Variants in FIP1L1 observed in about 807,000 individuals in gnomAD.
FIP1L1 encodes pre-mRNA 3'-end-processing factor FIP1.
FIP1L1 carries 21 observed loss-of-function variants against 84.6 expected under a neutral mutation model. The ratio of observed to expected loss-of-function variants is 0.25; its 90% CI spans 0.18 to 0.36. The LOEUF (loss-of-function observed/expected upper bound fraction) is 0.36. Ranked by LOEUF, FIP1L1 falls within the 10% of genes least tolerant of loss-of-function variation. The probability of loss-of-function intolerance (pLI) is 1.00; values close to 1 mark genes in which losing one functional copy is unlikely to be tolerated. For missense variants in FIP1L1, 526 were observed against 751.1 expected (o/e 0.70, Z 3.50); for synonymous variants, 263 against 242.3 (o/e 1.09, Z -0.80).
At position 53,391,312 on chromosome 4, in the gene FIP1L1, T is replaced by C. The variant is rs974909795; in HGVS notation, c.637-118T>C. 23 of 1,144,774 alleles carry C rather than the reference T, an allele frequency of 2.0e-5. No homozygotes were observed. In the African/African-American group the frequency reaches 3.6e-4, roughly 18 times the overall value. 70.9% of individuals were successfully genotyped at this position (1,144,774 alleles called of 1,614,324 possible). Reference sequence around the variant, plus strand: ...CTCCCTTTTAGAGTTTCGTATTTAATGATTATCTGATGTTCTTACTTTCAA... The same window carrying C: ...CTCCCTTTTAGAGTTTCGTATTTAACGATTATCTGATGTTCTTACTTTCAA... On this transcript the variant is annotated intron_variant, in intron 8 of 17. Coordinates refer to ENST00000337488, the MANE Select transcript of FIP1L1 (RefSeq NM_030917.4).
intron 10 of FIP1L1, among the ~76,000 whole-genome samples, chr4:53,407,292 T>G (rs147450319): frequency 0.21 from 31,947 of 152,168 alleles, 4,115 homozygotes; most frequent in Admixed American, 0.32. Flanking sequence ...AGGAGCAGGT[T>G]GTTCAGTTTC....
intron 3 of FIP1L1, 27 bp from the exon 4 acceptor site, chr4:53,382,251 A>C: frequency 6.4e-7 from 1 of 1,552,388 alleles, no homozygotes; most frequent in Non-Finnish European, 8.9e-7. Context: ...AATGCCTGAC[A>C]TGTATACTTA....
intron 16 of FIP1L1, among the ~76,000 whole-genome samples, chr4:53,454,339 A>G (rs540613143): frequency 1.2e-3 from 185 of 152,326 alleles, no homozygotes; most frequent in African/African-American, 3.9e-3. Context: ...TGTACCATCA[A>G]AGTTTGTGTA....
chr4:53,427,575 A>G (rs1764827734), intron 12 of FIP1L1, among the ~76,000 whole-genome samples: 1 of 152,198 alleles, frequency 6.6e-6, no homozygotes, highest in Admixed American at 6.5e-5. Flanking sequence ...TGGTGATGAC[A>G]GGCCCTTGTA....
intron 5 of FIP1L1, among the ~76,000 whole-genome samples, chr4:53,386,572 G>C (rs1741197580): frequency 1.3e-5 from 2 of 152,318 alleles, no homozygotes; most frequent in Non-Finnish European, 2.9e-5. Context: ...GTGTTGAAGA[G>C]AAGATCCCAG....
Position 53,459,326 on chromosome 4 carries a change from TGAA to T in FIP1L1, c.1667_1669del (p.Glu556del). The T allele has an allele frequency of 1.3e-6, 2 of 1,557,592 alleles. No individual in the cohort carries two copies. The highest frequency in any genetic ancestry group is 1.7e-6 in the Non-Finnish European group (2 of 1,148,386). On this transcript the variant is annotated inframe_deletion, in exon 18 of 18. Coordinates refer to ENST00000337488, the MANE Select transcript of FIP1L1 (RefSeq NM_030917.4). ...GTAATAGTAGACGTCGCCATGAAAG[TGAA>T]GAAGGAGATAGTCACAGGAGACACA... is the stretch of plus-strand genomic sequence containing the variant.
chr4:53,436,244 A>C (rs1769140707), intron 13 of FIP1L1, among the ~76,000 whole-genome samples: 1 of 152,216 alleles, frequency 6.6e-6, no homozygotes, highest in Non-Finnish European at 1.5e-5. Context: ...ATGGGTCAGG[A>C]ATCTGGGACA....
intron 9 of FIP1L1, among the ~76,000 whole-genome samples, chr4:53,391,946 A>G (rs28417191): frequency 0.096 from 14,580 of 152,256 alleles, 1,227 homozygotes; most frequent in South Asian, 0.28. Flanking sequence ...CTGATAGCTC[A>G]AGATATCTTC....
chr4:53,424,196 CAG>C (rs1227722468), intron 11 of FIP1L1, among the ~76,000 whole-genome samples: 2 of 152,128 alleles, frequency 1.3e-5, no homozygotes, highest in Admixed American at 6.5e-5. Context: ...CAGCAATTAA[CAG>C]AGAGGAAATT....
chr4:53,412,418 C>T (rs1757638313), intron 10 of FIP1L1, among the ~76,000 whole-genome samples: 2 of 152,030 alleles, frequency 1.3e-5, no homozygotes, highest in South Asian at 4.1e-4. Flanking sequence ...AGGACTTAAT[C>T]CAGTGTCACG....
chr4:53,441,704 A>C (rs1772008432), intron 13 of FIP1L1, among the ~76,000 whole-genome samples: 1 of 151,992 alleles, frequency 6.6e-6, no homozygotes, highest in Non-Finnish European at 1.5e-5. Context: ...CAGAATTACT[A>C]AAACGGAGGC....
chr4:53,426,670 A>G (rs1167714222), intron 12 of FIP1L1, among the ~76,000 whole-genome samples: 1 of 152,142 alleles, frequency 6.6e-6, no homozygotes, highest in Non-Finnish European at 1.5e-5. Context: ...TATTATAATT[A>G]TATTTCTGTG....
At chr4:53,438,639 C>T (rs1770537153) in intron 13 of FIP1L1, among the ~76,000 whole-genome samples, 1 of 152,124 alleles carries the variant, frequency 6.6e-6, no homozygotes, top group Non-Finnish European at 1.5e-5. Context: ...TTGATTATGT[C>T]TTTAATTCCA....
intron 11 of FIP1L1, 130 bp downstream of exon 11, chr4:53,414,852 C>A: frequency 3.4e-6 from 2 of 590,118 alleles, no homozygotes; most frequent in South Asian, 2.4e-5. Context: ...TTTCAGGGTA[C>A]AGTTGTAGGT....
chr4:53,460,104 C>CA lies in FIP1L1; in HGVS notation c.*656dup, dbSNP rs1721588448. On this transcript the variant is annotated 3_prime_UTR_variant, in exon 18 of 18. Coordinates refer to ENST00000337488, the MANE Select transcript of FIP1L1 (RefSeq NM_030917.4). ...AGTTTCTAGGAGGCATGTGTACACA[C>CA]ACTCTTCATTGTGGCACAAATTTAA... 5.0e-6 allele frequency: 1 copy of CA among 199,702 alleles called. No homozygotes were observed. The highest frequency in any genetic ancestry group is 6.0e-5 in the Admixed American group (1 of 16,562). 12.4% of individuals were successfully genotyped at this position (199,702 alleles called of 1,614,324 possible). A position where few individuals can be genotyped will look rare whatever the true frequency, so the allele number is the denominator to read the frequency against.
intron 10 of FIP1L1, among the ~76,000 whole-genome samples, chr4:53,411,523 AC>A (rs889830821): frequency 2.0e-5 from 3 of 152,152 alleles, no homozygotes; most frequent in African/African-American, 7.2e-5. Flanking sequence ...GATTGGATAG[AC>A]ATCTTTGAAA....
intron 17 of FIP1L1, 148 bp from the exon 18 acceptor site, chr4:53,459,154 A>AT: frequency 1.5e-6 from 1 of 656,936 alleles, no homozygotes; most frequent in Non-Finnish European, 2.6e-6. Context: ...CATAAAACTG[A>AT]TTATTCCTCA....
At chr4:53,419,365 A>G (rs1761163328) in intron 11 of FIP1L1, among the ~76,000 whole-genome samples, 1 of 152,220 alleles carries the variant, frequency 6.6e-6, no homozygotes, top group Non-Finnish European at 1.5e-5. Flanking sequence ...GCTAAGCCTG[A>G]ATCCTAGTGC....
intron 13 of FIP1L1, among the ~76,000 whole-genome samples, chr4:53,436,076 C>CA (rs1769048244): frequency 1.0e-5 from 1 of 98,976 alleles, no homozygotes; most frequent in Non-Finnish European, 2.7e-5. Flanking sequence ...AAATAGGAAG[C>CA]GTAGTTTACA....
Sources: gnomAD v4.1 joint callset for allele counts (sites outside exome capture counted in the v4.1 genomes callset) on GRCh38, gnomAD v4.1.1 for gene constraint, MANE v1.5 for transcripts, NCBI Gene and HGNC (gene_info 2026-07-23, HGNC 2026-07-21) for gene names.